The following PPP1R8 variants were observed in gnomAD, a reference collection of about 807,000 sequenced individuals.
PPP1R8 encodes nuclear inhibitor of protein phosphatase 1.
In PPP1R8, 4 loss-of-function variants were observed where a neutral mutation model predicts 31.3. The ratio of observed to expected loss-of-function variants is 0.13; its 90% CI spans 0.06 to 0.29. The LOEUF (loss-of-function observed/expected upper bound fraction) is 0.29, where lower values mean the gene tolerates loss of function less well. Among genes scored for constraint, PPP1R8 ranks in the 10% least tolerant of loss-of-function variants. PPP1R8 has a pLI of 1.00. For missense variants in PPP1R8, 254 were observed against 440.1 expected, an observed-to-expected ratio of 0.58 and a Z score of 3.78; for synonymous variants, 170 against 169.7, an observed-to-expected ratio of 1.00 and a Z score of -0.01.
intron 2 of PPP1R8, among the ~76,000 whole-genome samples, chr1:27,836,608 C>G (rs894730354): frequency 6.6e-6 from 1 of 151,954 alleles, no homozygotes; most frequent in Non-Finnish European, 1.5e-5. Flanking sequence ...TTAGTAGAGA[C>G]GGGGTTTCAC....
At chr1:27,837,657 C>T (rs905228416) in intron 2 of PPP1R8, among the ~76,000 whole-genome samples, 7 of 151,532 alleles carry the variant, frequency 4.6e-5, no homozygotes, top group African/African-American at 1.7e-4. Flanking sequence ...CGCCTGTAAT[C>T]CCAGCTATTT....
chr1:27,843,430 G>T (rs180902964), intron 5 of PPP1R8, 100 bp downstream of exon 5: 76 of 1,444,278 alleles, frequency 5.3e-5, no homozygotes, highest in Admixed American at 1.2e-4. Flanking sequence ...GCCGAGGAGG[G>T]TGGATCACTT....
rs1239105841 is a variant in PPP1R8, at chr1:27,851,182, C to CT, written c.*737dup. 9 of 221,678 alleles carry CT rather than the reference C, an allele frequency of 4.1e-5. No homozygotes were observed. Among genetic ancestry groups the CT allele is most frequent in the African/African-American group, 2.0e-4 (9 of 44,070 alleles). 13.7% of individuals were successfully genotyped at this position (221,678 alleles called of 1,614,324 possible). ...TAATTCCAGAGTACTGTCCTCTACTCTAAGGCATTACTTTTAAGTGTATTA... is the reference window on the plus strand; with the variant it reads ...TAATTCCAGAGTACTGTCCTCTACTCTTAAGGCATTACTTTTAAGTGTATTA... On this transcript the variant is annotated 3_prime_UTR_variant, in exon 7 of 7. Transcript: ENST00000311772.
chr1:27,836,696 G>A (rs1359735201), intron 2 of PPP1R8, among the ~76,000 whole-genome samples: 1 of 152,132 alleles, frequency 6.6e-6, no homozygotes, highest in Non-Finnish European at 1.5e-5. Context: ...GGGATTACAG[G>A]TTTGAGCCAC....
chr1:27,833,838 T>C (rs2089135740), intron 2 of PPP1R8, among the ~76,000 whole-genome samples: 1 of 152,220 alleles, frequency 6.6e-6, no homozygotes, highest in Non-Finnish European at 1.5e-5. Flanking sequence ...TGAGATGTTG[T>C]AGAGATAACC....
intron 5 of PPP1R8, among the ~76,000 whole-genome samples, chr1:27,844,810 TG>T (rs2089257804): frequency 7.1e-6 from 1 of 140,306 alleles, no homozygotes; most frequent in South Asian, 2.4e-4. Flanking sequence ...CTCCGCCTCC[TG>T]GGTTCACGCC....
chr1:27,843,379 G>A (rs373086863), intron 5 of PPP1R8, 49 bp downstream of exon 5: 88 of 1,611,700 alleles, frequency 5.5e-5, no homozygotes, highest in Middle Eastern at 1.7e-4. Flanking sequence ...TGGTTGGCCC[G>A]GGCGCGGTGG....
Position 27,832,833 on chromosome 1 carries a change from C to T in PPP1R8, c.117+17C>T, listed in dbSNP as rs1333594838. The T allele has an allele frequency of 9.4e-6, 15 of 1,594,792 alleles. No homozygotes were observed. Among genetic ancestry groups the T allele is most frequent in the Non-Finnish European group, 1.2e-5 (14 of 1,167,588 alleles). On this transcript the variant is annotated intron_variant, in intron 2 of 6. Transcript: ENST00000311772. ...CTAATTGAGGTATGGAAATACATGT[C>T]TTACTTTTTTGGCTGCCACACTAAA...
intron 2 of PPP1R8, among the ~76,000 whole-genome samples, 174 bp from the exon 3 acceptor site, chr1:27,838,524 TA>T (rs1487739924): frequency 4.6e-5 from 7 of 152,202 alleles, no homozygotes; most frequent in African/African-American, 1.7e-4. Context: ...TAATGGGAGA[TA>T]TTTTTTTCTC....
Position 27,850,482 on chromosome 1 carries a change from G to GGTGGTTGGGGGGGGTGGGGGGGGA in PPP1R8, c.*36_*37insGTGGTTGGGGGGGGTGGGGGGGGA. ...CATGGAGAAGGGTGGGATTGGGTGG[G>GGTGGTTGGGGGGGGTGGGGGGGGA]AATGGGGTGGAAGGGTGATGGGGAG... is the stretch of plus-strand genomic sequence containing the variant. On this transcript the variant is annotated 3_prime_UTR_variant, in exon 7 of 7. Coordinates refer to ENST00000311772, the MANE Select transcript of PPP1R8 (RefSeq NM_014110.5). The GGTGGTTGGGGGGGGTGGGGGGGGA allele has an allele frequency of 2.0e-6, 1 of 511,100 alleles. No individual in the cohort carries two copies. The highest frequency in any genetic ancestry group is 3.9e-6 in the Non-Finnish European group (1 of 253,774). 31.7% of individuals were successfully genotyped at this position (511,100 alleles called of 1,614,324 possible).
At chr1:27,845,859 G>A (rs1314459768) in intron 5 of PPP1R8, among the ~76,000 whole-genome samples, 1 of 137,096 alleles carries the variant, frequency 7.3e-6, no homozygotes, top group African/African-American at 2.9e-5. Context: ...GCGTGATCTC[G>A]GCTCACTGCA....
intron 3 of PPP1R8, among the ~76,000 whole-genome samples, chr1:27,839,202 G>A (rs2089198981): frequency 6.6e-6 from 1 of 151,990 alleles, no homozygotes; most frequent in Non-Finnish European, 1.5e-5. Flanking sequence ...CAGTCCGGGT[G>A]ACAGAACAAG....
rs1489281256 is a variant in PPP1R8, at chr1:27,850,192, C to T, written c.802C>T (p.Pro268Ser). 1.2e-6 allele frequency: 2 copies of T among 1,614,124 alleles called. No individual in the cohort carries two copies. The highest frequency in any genetic ancestry group is 1.3e-5 in the African/African-American group (1 of 75,052). ...AFSGGLYGGL[P>S]PTHSEAGSQP... ...CAGCGGAGGACTCTACGGGGGCCTGCCCCCCACACACAGTGAAGCAGGCTC... is the reference window on the plus strand; with the variant it reads ...CAGCGGAGGACTCTACGGGGGCCTGTCCCCCACACACAGTGAAGCAGGCTC... Residue 268 changes from proline to serine, a missense_variant, in exon 7 of 7, where the codon CCC (proline) becomes TCC (serine). Around this residue, in one of 6 missense-constraint regions of PPP1R8, gnomAD observed 105 missense variants for 128.0 expected, o/e 0.82. Transcript: ENST00000311772.
chr1:27,848,114 G>A (rs756090169), intron 6 of PPP1R8, among the ~76,000 whole-genome samples: 8 of 152,186 alleles, frequency 5.3e-5, no homozygotes, highest in Middle Eastern at 3.4e-3. Context: ...TTAAAGATAA[G>A]TATGTTGGCT....
intron 4 of PPP1R8, 51 bp downstream of exon 4, chr1:27,841,285 GA>G (rs1267531478): frequency 6.3e-7 from 1 of 1,590,102 alleles, no homozygotes. Flanking sequence ...CTGGTTTTTG[GA>G]GTATACAGCT....
At chr1:27,839,827 T>C (rs996704889) in intron 3 of PPP1R8, among the ~76,000 whole-genome samples, 1 of 152,030 alleles carries the variant, frequency 6.6e-6, no homozygotes, top group Non-Finnish European at 1.5e-5. Context: ...GGGAGGCCGA[T>C]GTCAGTGAAT....
At position 27,850,341 on chromosome 1, in the gene PPP1R8, A is replaced by G. The variant is rs767283906; in HGVS notation, c.951A>G (p.Pro317=). The G allele has an allele frequency of 3.1e-6, 5 of 1,614,078 alleles. No homozygotes were observed. In the East Asian group the frequency reaches 8.9e-5, roughly 29 times the overall value. Residue 317 remains proline, a synonymous_variant, in exon 7 of 7, where the codon CCA becomes CCG. Coordinates refer to ENST00000311772, the MANE Select transcript of PPP1R8 (RefSeq NM_014110.5). Reference sequence around the variant, plus strand: ...CAGCAGTGAACATGAACCCTGCACCAAACCCTGCAGTCTATAACCCTGAAG... The same window carrying G: ...CAGCAGTGAACATGAACCCTGCACCGAACCCTGCAGTCTATAACCCTGAAG... The part of the protein sequence containing the change: ...VPSAVNMNPA[P]NPAVYNPEAV...
intron 1 of PPP1R8, 183 bp downstream of exon 1, chr1:27,831,074 A>C: frequency 7.2e-7 from 1 of 1,381,316 alleles, no homozygotes; most frequent in South Asian, 1.7e-5. Context: ...CCTGGAGCCC[A>C]GGCCCAGGAA....
intron 6 of PPP1R8, among the ~76,000 whole-genome samples, chr1:27,849,417 A>G (rs1356558698): frequency 1.3e-5 from 2 of 151,678 alleles, no homozygotes; most frequent in South Asian, 2.1e-4. Flanking sequence ...TGGACATACC[A>G]CATTTTTTCC....
Sources: gnomAD v4.1 joint callset for allele counts (sites outside exome capture counted in the v4.1 genomes callset) on GRCh38, gnomAD v4.1.1 for gene constraint, gnomAD v4.1.1 regional missense constraint, MANE v1.5 for transcripts, NCBI Gene and HGNC (gene_info 2026-07-23, HGNC 2026-07-21) for gene names.